Variants in MRPL57 observed in about 807,000 individuals in gnomAD.
The protein encoded by MRPL57 is large ribosomal subunit protein mL63.
In MRPL57, 1 loss-of-function variant was observed where a neutral mutation model predicts 1.3. That is an observed-to-expected ratio of 0.79 (90% CI 0.28 to 3.75). MRPL57 has a LOEUF of 3.75. Ranked by LOEUF, MRPL57 falls within the 30% of genes most tolerant of loss-of-function variation. MRPL57 has a pLI of 0.19. For synonymous variants in MRPL57, 79 were observed against 61.7 expected (o/e 1.28, Z -1.31); for missense variants, 170 against 148.9 (o/e 1.14, Z -0.74).
At position 21,177,024 on chromosome 13, in the gene MRPL57, C is replaced by G; in HGVS notation, c.108C>G (p.Ile36Met). The G allele has an allele frequency of 1.9e-6, 3 of 1,613,262 alleles. No individual in the cohort carries two copies. The highest frequency in any genetic ancestry group is 1.7e-6 in the Non-Finnish European group (2 of 1,179,990). ...FVSLRAKQNM[I>M]RRLEIEAENH... ...CGTTGCGCGCCAAGCAGAACATGAT[C>G]CGCCGCCTGGAGATCGAGGCGGAGA... The change falls in exon 2 of 2, where the codon ATC becomes ATG. Residue 36 changes from isoleucine (I) to methionine (M), a missense_variant. Transcript: ENST00000309594.
chr13:21,177,419 C>T lies in MRPL57; in HGVS notation c.*194C>T, dbSNP rs1008826789. 6 of 620,774 alleles carry T rather than the reference C, an allele frequency of 9.7e-6. No individual in the cohort carries two copies. Among genetic ancestry groups the T allele is most frequent in the South Asian group, 8.4e-5 (4 of 47,368 alleles). The allele number at this position is 620,774 out of a possible 1,614,324, so 38.5% of individuals were successfully genotyped here. On this transcript the variant is annotated 3_prime_UTR_variant, in exon 2 of 2. Coordinates refer to ENST00000309594, the MANE Select transcript of MRPL57 (RefSeq NM_024026.5). Reference sequence around the variant, plus strand: ...CAATACTTAAAAGTCTAATTGCTGTCCTGTGGTTTCATTAGTCTGATAGGA... The same window carrying T: ...CAATACTTAAAAGTCTAATTGCTGTTCTGTGGTTTCATTAGTCTGATAGGA...
rs571209157 is a variant in MRPL57, at chr13:21,177,071, C to T, written c.155C>T (p.Pro52Leu). 17 of 1,613,866 alleles carry T rather than the reference C, an allele frequency of 1.1e-5. No homozygotes were observed. The East Asian group carries it at 2.0e-4, about 19-fold the overall frequency. Residue 52 changes from proline (P) to leucine (L), a missense_variant, in exon 2 of 2, where the codon CCC becomes CTC. Physicochemically the swap from Pro to Leu is moderately conservative, Grantham distance 98. Coordinates refer to ENST00000309594, the MANE Select transcript of MRPL57 (RefSeq NM_024026.5). ...GAGAACCATTACTGGCTGAGCATGC[C>T]CTACATGACCCGGGAGCAGGAGCGC... ...EAENHYWLSM[P>L]YMTREQERGH...
In MRPL57 at chr13:21,177,429, C is replaced by T. The variant is rs965765240; in HGVS notation, c.*204C>T. The T allele has an allele frequency of 5.8e-5, 35 of 603,602 alleles. No individual in the cohort carries two copies. Among genetic ancestry groups the T allele is most frequent in the Non-Finnish European group, 7.4e-5 (25 of 339,698 alleles). The allele number at this position is 603,602 out of a possible 1,614,324, so 37.4% of individuals were successfully genotyped here. On this transcript the variant is annotated 3_prime_UTR_variant, in exon 2 of 2. Coordinates refer to ENST00000309594, the MANE Select transcript of MRPL57 (RefSeq NM_024026.5). ...AAGTCTAATTGCTGTCCTGTGGTTT[C>T]ATTAGTCTGATAGGAAGATAGGGAT...
At position 21,177,220 on chromosome 13, in the gene MRPL57, T is replaced by C; in HGVS notation, c.304T>C (p.Ser102Pro). ...LDHLNVTKKW[S>P] is the part of the protein sequence containing the mutation. Reference sequence around the variant, plus strand: ...CCATCTCAATGTCACCAAGAAATGGTCCTAATCCTGAGTCGTCACCCTTGG... The same window carrying C: ...CCATCTCAATGTCACCAAGAAATGGCCCTAATCCTGAGTCGTCACCCTTGG... The change falls in exon 2 of 2, where the codon TCC (serine) becomes CCC (proline). Residue 102 changes from serine to proline, a missense_variant. By Grantham distance (74) the Ser-to-Pro change is moderately conservative. Coordinates refer to ENST00000309594, the MANE Select transcript of MRPL57 (RefSeq NM_024026.5). The C allele has an allele frequency of 6.2e-7, 1 of 1,613,590 alleles. No homozygotes were observed. Among genetic ancestry groups the C allele is most frequent in the South Asian group, 1.1e-5 (1 of 91,070 alleles).
At position 21,177,235 on chromosome 13, in the gene MRPL57, G is replaced by C; in HGVS notation, c.*10G>C. On this transcript the variant is annotated 3_prime_UTR_variant, in exon 2 of 2. Transcript: ENST00000309594. ...CAAGAAATGGTCCTAATCCTGAGTCGTCACCCTTGGATTTTATGGATCACG... is the reference window on the plus strand; with the variant it reads ...CAAGAAATGGTCCTAATCCTGAGTCCTCACCCTTGGATTTTATGGATCACG... 6.2e-7 allele frequency: 1 copy of C among 1,612,792 alleles called. No individual in the cohort carries two copies. The highest frequency in any genetic ancestry group is 1.3e-5 in the African/African-American group (1 of 75,006).
In MRPL57 at chr13:21,177,007, G is replaced by A. The variant is rs1239895287; in HGVS notation, c.91G>A (p.Ala31Thr). 1.2e-6 allele frequency: 2 copies of A among 1,612,688 alleles called. No individual in the cohort carries two copies. Among genetic ancestry groups the A allele is most frequent in the African/African-American group, 2.7e-5 (2 of 74,938 alleles). ...GCGGCCGCGGTTCGTGTCGTTGCGC[G>A]CCAAGCAGAACATGATCCGCCGCCT... Reference protein sequence around the residue: ...HRRPRFVSLRAKQNMIRRLEI... With the variant: ...HRRPRFVSLRTKQNMIRRLEI... The change falls in exon 2 of 2, where the codon GCC becomes ACC. Residue 31 changes from alanine to threonine, a missense_variant. By Grantham distance (58) the Ala-to-Thr change is moderately conservative. Coordinates refer to ENST00000309594, the MANE Select transcript of MRPL57 (RefSeq NM_024026.5).
rs777725714 is a variant in MRPL57, at chr13:21,177,194, A to G, written c.278A>G (p.Asp93Gly). Residue 93 changes from aspartate (D) to glycine (G), a missense_variant, in exon 2 of 2, where the codon GAC becomes GGC. Physicochemically the swap from Asp to Gly is moderately conservative, Grantham distance 94 (BLOSUM62 -1). Transcript: ENST00000309594. ...PPHRFIADQL[D>G]HLNVTKKWS Reference sequence around the variant, plus strand: ...CATAGATTCATTGCGGACCAGCTCGACCATCTCAATGTCACCAAGAAATGG... The same window carrying G: ...CATAGATTCATTGCGGACCAGCTCGGCCATCTCAATGTCACCAAGAAATGG... 41 of 1,613,930 alleles carry G rather than the reference A, an allele frequency of 2.5e-5. No individual in the cohort carries two copies. Among genetic ancestry groups the G allele is most frequent in the Non-Finnish European group, 3.4e-5 (40 of 1,180,046 alleles).
chr13:21,177,658 T>G lies in MRPL57; in HGVS notation c.*433T>G. 4.9e-6 allele frequency: 1 copy of G among 203,164 alleles called. No homozygotes were observed. The highest frequency in any genetic ancestry group is 9.2e-5 in the South Asian group (1 of 10,884). The allele number at this position is 203,164 out of a possible 1,614,324, so 12.6% of individuals were successfully genotyped here. ...AAAACATTTTCCGGGATTTTACTAC[T>G]AAAATTGGACATTTAAGCGAAGTAA... On this transcript the variant is annotated 3_prime_UTR_variant, in exon 2 of 2. Transcript: ENST00000309594.
At position 21,176,896 on chromosome 13, in the gene MRPL57, T is replaced by G. The variant is rs201212521; in HGVS notation, c.-5-16T>G. 9.2e-5 allele frequency: 147 copies of G among 1,598,086 alleles called. 1 individual carries two copies. The highest frequency in any genetic ancestry group is 2.7e-5 in the African/African-American group (2 of 74,676). ...CGCCAGTTCGCCTCCGCAAAGCCCGTCCCTCTCTTCCGCAGGCACCATGTT... is the reference window on the plus strand; with the variant it reads ...CGCCAGTTCGCCTCCGCAAAGCCCGGCCCTCTCTTCCGCAGGCACCATGTT... On this transcript the variant is annotated splice_polypyrimidine_tract_variant and intron_variant, in intron 1 of 1. Transcript: ENST00000309594.
chr13:21,177,260 G>A lies in MRPL57; in HGVS notation c.*35G>A, dbSNP rs1300214127. On this transcript the variant is annotated 3_prime_UTR_variant, in exon 2 of 2. Transcript: ENST00000309594. ...GTCACCCTTGGATTTTATGGATCAC[G>A]GAGCTGACCATCTTTACCTGGTCCT... 5.6e-6 allele frequency: 9 copies of A among 1,603,208 alleles called. No homozygotes were observed. The Admixed American group carries it at 1.4e-4, about 24-fold the overall frequency.
rs1008644584 is a variant in MRPL57 at position 21,176,694 on chromosome 13, G to A, written c.-29G>A. The A allele has an allele frequency of 3.0e-5, 20 of 658,494 alleles. No individual in the cohort carries two copies. Among genetic ancestry groups the A allele is most frequent in the Non-Finnish European group, 4.5e-5 (18 of 402,396 alleles). The allele number at this position is 658,494 out of a possible 1,614,324, so 40.8% of individuals were successfully genotyped here. ...GGCGTCTGCTGGCGGCCGCGGAGAC[G>A]CAGAGTCTTGAGCAGCGCGGCAGGT... On this transcript the variant is annotated 5_prime_UTR_variant, in exon 1 of 2. Coordinates refer to ENST00000309594, the MANE Select transcript of MRPL57 (RefSeq NM_024026.5).
chr13:21,176,863 T>G, intron 1 of MRPL57, 49 bp from the exon 2 acceptor site: 4 of 1,577,414 alleles, frequency 2.5e-6, no homozygotes, highest in Non-Finnish European at 3.4e-6. Flanking sequence ...TCTCTCCAGG[T>G]CCGGCCGCGC....
intron 1 of MRPL57, 80 bp downstream of exon 1, chr13:21,176,797 G>A: frequency 1.8e-6 from 2 of 1,113,864 alleles, no homozygotes; most frequent in South Asian, 3.1e-5. Flanking sequence ...CGCTTCTCTG[G>A]AGGGGAGGCG....
chr13:21,178,962 C>T lies in MRPL57; in HGVS notation c.*1737C>T, dbSNP rs1871729907. Reference sequence around the variant, plus strand: ...CAGCCTGCATGACGGGAGTGAGACACCATCTCAAAAAATACATATAATAAT... The same window carrying T: ...CAGCCTGCATGACGGGAGTGAGACATCATCTCAAAAAATACATATAATAAT... On this transcript the variant is annotated 3_prime_UTR_variant, in exon 2 of 2. Coordinates refer to ENST00000309594, the MANE Select transcript of MRPL57 (RefSeq NM_024026.5). The T allele has an allele frequency of 1.2e-5, 2 of 166,522 alleles. No homozygotes were observed. The highest frequency in any genetic ancestry group is 2.4e-5 in the African/African-American group (1 of 41,306). The allele number at this position is 166,522 out of a possible 1,614,324, so 10.3% of individuals were successfully genotyped here.
chr13:21,176,677 C>G lies in MRPL57; in HGVS notation c.-46C>G, dbSNP rs1470936284. 2 of 669,496 alleles carry G rather than the reference C, an allele frequency of 3.0e-6. No homozygotes were observed. The highest frequency in any genetic ancestry group is 2.4e-6 in the Non-Finnish European group (1 of 411,080). The allele number at this position is 669,496 out of a possible 1,614,324, so 41.5% of individuals were successfully genotyped here. A position where few individuals can be genotyped will look rare whatever the true frequency, so the allele number is the denominator to read the frequency against. Reference sequence around the variant, plus strand: ...GGGTGCGCTTACGCCACGGCGTCTGCTGGCGGCCGCGGAGACGCAGAGTCT... The same window carrying G: ...GGGTGCGCTTACGCCACGGCGTCTGGTGGCGGCCGCGGAGACGCAGAGTCT... On this transcript the variant is annotated 5_prime_UTR_variant, in exon 1 of 2. Transcript: ENST00000309594.
rs367621487 is a variant in MRPL57, at chr13:21,176,910, A to T, written c.-5-2A>T. 1 of 1,603,524 alleles carries T rather than the reference A, an allele frequency of 6.2e-7. No individual in the cohort carries two copies. The highest frequency in any genetic ancestry group is 2.2e-5 in the East Asian group (1 of 44,760). Reference sequence around the variant, plus strand: ...CGCAAAGCCCGTCCCTCTCTTCCGCAGGCACCATGTTCCTGACTGCGCTCC... The same window carrying T: ...CGCAAAGCCCGTCCCTCTCTTCCGCTGGCACCATGTTCCTGACTGCGCTCC... On this transcript the variant is annotated splice_acceptor_variant, in intron 1 of 1. Transcript: ENST00000309594. LOFTEE classifies it low-confidence loss of function (5UTR_SPLICE).
At position 21,177,784 on chromosome 13, in the gene MRPL57, A is replaced by G. The variant is rs1205815541; in HGVS notation, c.*559A>G. The G allele has an allele frequency of 5.9e-6, 1 of 168,554 alleles. No individual in the cohort carries two copies. Among genetic ancestry groups the G allele is most frequent in the African/African-American group, 2.4e-5 (1 of 41,362 alleles). 10.4% of individuals were successfully genotyped at this position (168,554 alleles called of 1,614,324 possible). A position where few individuals can be genotyped will look rare whatever the true frequency, so the allele number is the denominator to read the frequency against. On this transcript the variant is annotated 3_prime_UTR_variant, in exon 2 of 2. Coordinates refer to ENST00000309594, the MANE Select transcript of MRPL57 (RefSeq NM_024026.5). The stretch of plus-strand genomic sequence containing the variant: ...CAGGAGTTCAAGACCAGCTTGGCCA[A>G]GGTGATAAAACCCGTCTCTACTAAT...
rs1248128721 is a variant in MRPL57, at chr13:21,177,086, A to T, written c.170A>T (p.Glu57Val). 1 of 1,613,726 alleles carries T rather than the reference A, an allele frequency of 6.2e-7. No homozygotes were observed. The highest frequency in any genetic ancestry group is 8.5e-7 in the Non-Finnish European group (1 of 1,180,026). ...YWLSMPYMTR[E>V]QERGHAAVRR... ...CTGAGCATGCCCTACATGACCCGGGAGCAGGAGCGCGGCCACGCCGCGGTG... is the reference window on the plus strand; with the variant it reads ...CTGAGCATGCCCTACATGACCCGGGTGCAGGAGCGCGGCCACGCCGCGGTG... Residue 57 changes from glutamate (E) to valine (V), a missense_variant, in exon 2 of 2, where the codon GAG becomes GTG. By Grantham distance (121) the Glu-to-Val change is moderately radical. Coordinates refer to ENST00000309594, the MANE Select transcript of MRPL57 (RefSeq NM_024026.5).
Position 21,177,306 on chromosome 13 carries a change from T to C in MRPL57, c.*81T>C. The C allele has an allele frequency of 1.4e-6, 2 of 1,421,950 alleles. No individual in the cohort carries two copies. The highest frequency in any genetic ancestry group is 1.9e-6 in the Non-Finnish European group (2 of 1,032,690). The allele number at this position is 1,421,950 out of a possible 1,614,324, so 88.1% of individuals were successfully genotyped here. A position where few individuals can be genotyped will look rare whatever the true frequency, so the allele number is the denominator to read the frequency against. The stretch of plus-strand genomic sequence containing the variant: ...GTCCTGGAACTGAAAAACTGTAGCT[T>C]GTGTGAAAATGAGCCTTTGGACCAG... On this transcript the variant is annotated 3_prime_UTR_variant, in exon 2 of 2. Coordinates refer to ENST00000309594, the MANE Select transcript of MRPL57 (RefSeq NM_024026.5).
Sources: allele counts gnomAD v4.1 joint callset, GRCh38; gene constraint gnomAD v4.1.1; transcripts MANE v1.5; gene names NCBI Gene and HGNC (gene_info 2026-07-23, HGNC 2026-07-21).